Variants in FRMD4B observed in about 807,000 individuals in gnomAD.
FRMD4B encodes FERM domain-containing protein 4B.
A neutral mutation model predicts 141.5 loss-of-function variants in FRMD4B; 74 were observed. That is an observed-to-expected ratio of 0.52 (90% CI 0.43 to 0.63). The LOEUF (loss-of-function observed/expected upper bound fraction) is 0.63, where lower values mean the gene tolerates loss of function less well. Among genes scored for constraint, FRMD4B ranks in the 30% least tolerant of loss-of-function variants. The pLI, the probability that FRMD4B is intolerant of heterozygous loss-of-function variation, is 0.00. For synonymous variants in FRMD4B, 506 were observed against 467.9 expected (o/e 1.08, Z -1.05); for missense variants, 1,366 against 1,253.4 (o/e 1.09, Z -1.36).
intron 1 of FRMD4B, among the ~76,000 whole-genome samples, chr3:69,459,790 A>G (rs1705682457): frequency 6.6e-6 from 1 of 152,222 alleles, no homozygotes; most frequent in Non-Finnish European, 1.5e-5. Context: ...GACTACCAGG[A>G]GCATAACAGG....
intron 2 of FRMD4B, among the ~76,000 whole-genome samples, chr3:69,410,444 G>A (rs561280363): frequency 6.6e-6 from 1 of 152,110 alleles, no homozygotes; most frequent in East Asian, 1.9e-4. Context: ...ATGAGCGAGT[G>A]TGAATATGTG....
chr3:69,437,472 A>G (rs181490146), intron 1 of FRMD4B, among the ~76,000 whole-genome samples: 8 of 146,988 alleles, frequency 5.4e-5, no homozygotes, highest in Admixed American at 4.8e-4. Context: ...TGTATATACT[A>G]GTATACTATT....
At chr3:69,478,596 A>G (rs1472736387) in intron 1 of FRMD4B, among the ~76,000 whole-genome samples, 3 of 152,158 alleles carry the variant, frequency 2.0e-5, no homozygotes, top group South Asian at 2.1e-4. Flanking sequence ...CTGTTCTTTC[A>G]CATTTGCTGA....
upstream of FRMD4B, among the ~76,000 whole-genome samples, chr3:69,386,691 G>A (rs889792651): frequency 2.0e-5 from 3 of 152,166 alleles, no homozygotes; most frequent in Admixed American, 6.5e-5. Flanking sequence ...AGCAACAGGC[G>A]GCCCTAGAAC....
intron 18 of FRMD4B, 100 bp from the exon 19 acceptor site, chr3:69,188,017 G>C (rs2092788980): frequency 1.5e-6 from 1 of 670,864 alleles, no homozygotes; most frequent in East Asian, 2.9e-5. Context: ...AAGGTTTAGT[G>C]AACAAAGTGT....
At chr3:69,350,681 G>T (rs926475816) in intron 1 of FRMD4B, among the ~76,000 whole-genome samples, 1 of 152,078 alleles carries the variant, frequency 6.6e-6, no homozygotes, top group Non-Finnish European at 1.5e-5. Flanking sequence ...GTAGGGACAT[G>T]GATGGTGCTG....
chr3:69,303,012 T>C (rs1701267054), intron 3 of FRMD4B, among the ~76,000 whole-genome samples: 1 of 152,174 alleles, frequency 6.6e-6, no homozygotes, highest in Admixed American at 6.5e-5. Flanking sequence ...AGGCGGAGGT[T>C]GCAGTGAGCC....
At chr3:69,320,706 C>A (rs1476872275) in intron 1 of FRMD4B, among the ~76,000 whole-genome samples, 1 of 152,178 alleles carries the variant, frequency 6.6e-6, no homozygotes, top group African/African-American at 2.4e-5. Flanking sequence ...TTGACCCCTA[C>A]CTAGTGGCAG....
intron 1 of FRMD4B, among the ~76,000 whole-genome samples, chr3:69,470,290 A>G (rs1705865373): frequency 6.6e-6 from 1 of 152,162 alleles, no homozygotes; most frequent in Non-Finnish European, 1.5e-5. Context: ...CATACTCATG[A>G]TGAGTTTGGA....
intron 1 of FRMD4B, among the ~76,000 whole-genome samples, chr3:69,483,226 A>G (rs1706160032): frequency 6.6e-6 from 1 of 152,246 alleles, no homozygotes; most frequent in Non-Finnish European, 1.5e-5. Flanking sequence ...CCATGTTCCC[A>G]ACCCATGTCA....
At chr3:69,347,992 C>A (rs1299904575) in intron 1 of FRMD4B, among the ~76,000 whole-genome samples, 2 of 152,122 alleles carry the variant, frequency 1.3e-5, no homozygotes, top group Non-Finnish European at 2.9e-5. Flanking sequence ...CAGAGCAGAA[C>A]TGAAGGAGAT....
intron 2 of FRMD4B, among the ~76,000 whole-genome samples, chr3:69,427,189 C>A (rs891917110): frequency 8.6e-5 from 13 of 151,122 alleles, no homozygotes; most frequent in African/African-American, 3.2e-4. Flanking sequence ...GAAGCATTAA[C>A]CCCTCAATAT....
chr3:69,353,851 A>T (rs6808102), intron 1 of FRMD4B, among the ~76,000 whole-genome samples: 6,013 of 152,286 alleles, frequency 0.039, 419 homozygotes, highest in African/African-American at 0.14. Flanking sequence ...AACTTCTGCT[A>T]TTTCTTTTGG....
intron 1 of FRMD4B, among the ~76,000 whole-genome samples, chr3:69,466,288 T>C (rs1559535748): frequency 1.3e-5 from 2 of 152,192 alleles, no homozygotes; most frequent in Non-Finnish European, 2.9e-5. Context: ...ATTCTGGAAA[T>C]TAGCCCTCTG....
rs745351578 is a variant in FRMD4B at position 69,401,619 on chromosome 3, T to G, written c.-1+31015A>C. The stretch of plus-strand genomic sequence containing the variant: ...GGCTGAAGTGCAGTGGTGCCACCAC[T>G]GTTCACTACAGCTTTGACGTCCTGG... On this transcript the variant is annotated intron_variant, in intron 2 of 5. Transcript: ENST00000459638. 3.0e-4 allele frequency among the ~76,000 whole-genome samples: 46 copies of G among 152,170 alleles called. 1 individual carries two copies. Among genetic ancestry groups the G allele is most frequent in the Non-Finnish European group, 1.3e-4 (9 of 68,034 alleles).
intron 1 of FRMD4B, among the ~76,000 whole-genome samples, chr3:69,315,338 C>T (rs1701768010): frequency 6.6e-6 from 1 of 151,980 alleles, no homozygotes; most frequent in Admixed American, 6.6e-5. Context: ...TCATAGACCA[C>T]TTTTATATGT....
chr3:69,308,134 G>A (rs1171173570), intron 3 of FRMD4B, among the ~76,000 whole-genome samples: 1 of 152,100 alleles, frequency 6.6e-6, no homozygotes, highest in Non-Finnish European at 1.5e-5. Flanking sequence ...CCTTACTGCA[G>A]TACATTGGGA....
intron 7 of FRMD4B, among the ~76,000 whole-genome samples, chr3:69,237,550 C>T (rs1045849582): frequency 6.6e-6 from 1 of 152,176 alleles, no homozygotes; most frequent in Non-Finnish European, 1.5e-5. Context: ...TGTGAGCATG[C>T]AAAGAAGGCC....
chr3:69,205,059 C>CAA (rs33955997), intron 11 of FRMD4B, among the ~76,000 whole-genome samples: 1,575 of 124,390 alleles, frequency 0.013, 48 homozygotes, highest in East Asian at 0.096. Context: ...ATGTTTTTAA[C>CAA]AAAAAAAAAA....
Sources: gnomAD v4.1 joint callset for allele counts (sites outside exome capture counted in the v4.1 genomes callset) on GRCh38, gnomAD v4.1.1 for gene constraint, MANE v1.5 for transcripts, NCBI Gene and HGNC (gene_info 2026-07-23, HGNC 2026-07-21) for gene names.